Variants in ABCB1 observed in about 807,000 individuals in gnomAD.
ABCB1 encodes the protein ATP-dependent translocase ABCB1.
In ABCB1, 69 loss-of-function variants were observed where a neutral mutation model predicts 142.0. That is an observed-to-expected ratio of 0.49 (90% CI 0.40 to 0.59). The LOEUF (loss-of-function observed/expected upper bound fraction) is 0.59. Ranked by LOEUF, ABCB1 falls within the 20% of genes least tolerant of loss-of-function variation. The pLI is 0.00. For synonymous variants in ABCB1, 532 were observed against 539.2 expected, an observed-to-expected ratio of 0.99 and a Z score of 0.18; for missense variants, 1,326 against 1,554.7, an observed-to-expected ratio of 0.85 and a Z score of 2.47.
chr7:87,634,790 AGAACTTT>A (rs1821598213), intron 1 of ABCB1, among the ~76,000 whole-genome samples: 1 of 152,228 alleles, frequency 6.6e-6, no homozygotes, highest in Non-Finnish European at 1.5e-5. Flanking sequence ...TATATGTAGT[AGAACTTT>A]GAGTTTGAGT....
At position 87,505,798 on chromosome 7, in the gene ABCB1, T is replaced by C. The variant is rs1814707428; in HGVS notation, c.3636+99A>G. The C allele has an allele frequency of 2.1e-6, 3 of 1,411,766 alleles. No individual in the cohort carries two copies. In the East Asian group the frequency reaches 6.9e-5, roughly 32 times the overall value. 87.5% of individuals were successfully genotyped at this position (1,411,766 alleles called of 1,614,324 possible). ...TTTACTGAAAGGTGATGTAAGTAAC[T>C]GTCAATAATCTGGCTGCATTTTGTT... On this transcript the variant is annotated intron_variant, in intron 27 of 27. Transcript: ENST00000622132.
At chr7:87,684,101 TA>T (rs574907890) in intron 1 of ABCB1, among the ~76,000 whole-genome samples, 3 of 152,168 alleles carry the variant, frequency 2.0e-5, no homozygotes, top group African/African-American at 4.8e-5. Context: ...TAATTCATGT[TA>T]AAAAAAATCT....
rs772281490 is a variant in ABCB1, at chr7:87,553,875, G to GGCTGTAATA, written c.876_884dup (p.Ile293_Ala295dup). The stretch of plus-strand genomic sequence containing the variant: ...GGAAAGCAGCACCTATAGAAATATT[G>GGCTGTAATA]GCTGTAATAGCTTTCTTTATCCCAA... On this transcript the variant is annotated inframe_insertion, in exon 9 of 28. Coordinates refer to ENST00000622132, the MANE Select transcript of ABCB1 (RefSeq NM_001348946.2). 1 of 1,613,978 alleles carries GGCTGTAATA rather than the reference G, an allele frequency of 6.2e-7. No individual in the cohort carries two copies. Among genetic ancestry groups the GGCTGTAATA allele is most frequent in the Admixed American group, 1.7e-5 (1 of 60,016 alleles).
chr7:87,709,934 T>C (rs1829917495), intron 1 of ABCB1, among the ~76,000 whole-genome samples: 1 of 152,204 alleles, frequency 6.6e-6, no homozygotes, highest in African/African-American at 2.4e-5. Context: ...TCTGTTTCTG[T>C]GATTCTGTGC....
chr7:87,616,962 G>C (rs760835185), intron 1 of ABCB1, among the ~76,000 whole-genome samples: 2 of 152,162 alleles, frequency 1.3e-5, no homozygotes, highest in African/African-American at 2.4e-5. Context: ...ACAAATTATT[G>C]GTGAGGCCTA....
At chr7:87,639,550 T>G (rs1822219002) in intron 1 of ABCB1, among the ~76,000 whole-genome samples, 1 of 152,210 alleles carries the variant, frequency 6.6e-6, no homozygotes, top group African/African-American at 2.4e-5. Flanking sequence ...TGATTTTTAC[T>G]ATAAATATTT....
At chr7:87,610,429 TAGAGTCTGCCTGTG>T (rs2130050354) in intron 1 of ABCB1, among the ~76,000 whole-genome samples, 2 of 132,654 alleles carry the variant, frequency 1.5e-5, no homozygotes, top group East Asian at 4.5e-4. Flanking sequence ...TTTTCAGAGA[TAGAGTCTGCCTGTG>T]TAGCCCAGGC....
chr7:87,662,415 A>C (rs1002876338), intron 1 of ABCB1, among the ~76,000 whole-genome samples: 1 of 151,920 alleles, frequency 6.6e-6, no homozygotes, highest in African/African-American at 2.4e-5. Flanking sequence ...ATCCATTTTG[A>C]TTTGATTTTT....
In ABCB1 at chr7:87,520,779, T is replaced by TATGGTACCTGC. The variant is rs776061180; in HGVS notation, c.2772_2782dup (p.Tyr928CysfsTer9). 6.2e-7 allele frequency: 1 copy of TATGGTACCTGC among 1,613,084 alleles called. No homozygotes were observed. Among genetic ancestry groups the TATGGTACCTGC allele is most frequent in the Non-Finnish European group, 8.5e-7 (1 of 1,179,086 alleles). ...CCCACTCTTCAGCGGTTATTACCTG[T>TATGGTACCTGC]ATGGTACCTGCAAACTCTGAGCATA... On this transcript the variant is annotated frameshift_variant, in exon 22 of 28. Coordinates refer to ENST00000622132, the MANE Select transcript of ABCB1 (RefSeq NM_001348946.2). LOFTEE classifies it high-confidence loss of function.
At chr7:87,536,619 AGTTTT>A in intron 19 of ABCB1, 78 bp from the exon 20 acceptor site, 1 of 1,318,234 alleles carries the variant, frequency 7.6e-7, no homozygotes, top group Non-Finnish European at 1.1e-6. Flanking sequence ...CGATGGGGTC[AGTTTT>A]GTTTATACTT....
intron 15 of ABCB1, 91 bp downstream of exon 15, chr7:87,545,772 A>G (rs1301166490): frequency 7.3e-7 from 1 of 1,369,368 alleles, no homozygotes; most frequent in Admixed American, 1.8e-5. Context: ...TTTGTAAGGT[A>G]ATCAAATCAA....
At chr7:87,691,654 T>G (rs1285100483) in intron 1 of ABCB1, among the ~76,000 whole-genome samples, 5 of 152,218 alleles carry the variant, frequency 3.3e-5, no homozygotes, top group African/African-American at 1.2e-4. Context: ...GCACTTCTAC[T>G]TCCTAAGGAT....
chr7:87,631,536 G>A (rs1266657965), intron 1 of ABCB1, among the ~76,000 whole-genome samples: 11 of 152,022 alleles, frequency 7.2e-5, no homozygotes, highest in African/African-American at 2.7e-4. Flanking sequence ...GACTACAGGC[G>A]CCCGCCACCA....
chr7:87,582,816 AT>A (rs950286721), intron 4 of ABCB1, among the ~76,000 whole-genome samples: 2 of 152,064 alleles, frequency 1.3e-5, no homozygotes, highest in South Asian at 2.1e-4. Context: ...TCTTCTTTTG[AT>A]TTTTTTTCAA....
At chr7:87,684,902 C>A (rs1827308847) in intron 1 of ABCB1, among the ~76,000 whole-genome samples, 2 of 151,712 alleles carry the variant, frequency 1.3e-5, no homozygotes, top group Non-Finnish European at 2.9e-5. Flanking sequence ...TAATTGAATA[C>A]CTGTGTGCAA....
intron 21 of ABCB1, among the ~76,000 whole-genome samples, chr7:87,525,805 TG>T (rs1263557153): frequency 2.0e-5 from 3 of 152,090 alleles, no homozygotes; most frequent in African/African-American, 7.2e-5. Flanking sequence ...GCACACCTGG[TG>T]TGACTGACAT....
In ABCB1 at chr7:87,505,983, T is replaced by C. The variant is rs1281843123; in HGVS notation, c.3550A>G (p.Ile1184Val). Reference sequence around the variant, plus strand: ...CTAACAAGGGCACGAGCTATGGCAATGCGTTGTTTCTGGCCACCAGAGAGC... The same window carrying C: ...CTAACAAGGGCACGAGCTATGGCAACGCGTTGTTTCTGGCCACCAGAGAGC... ...TQLSGGQKQR[I>V]AIARALVRQP... Residue 1184 changes from isoleucine to valine, a missense_variant, in exon 27 of 28, where the codon ATT becomes GTT. Ile to Val is a conservative substitution (Grantham distance 29). Transcript: ENST00000622132. 2.5e-6 allele frequency: 4 copies of C among 1,614,012 alleles called. No homozygotes were observed. The highest frequency in any genetic ancestry group is 1.1e-5 in the South Asian group (1 of 91,088).
intron 5 of ABCB1, among the ~76,000 whole-genome samples, chr7:87,568,543 C>T (rs1426779196): frequency 6.6e-6 from 1 of 152,158 alleles, no homozygotes; most frequent in Non-Finnish European, 1.5e-5. Context: ...TTACCATCTT[C>T]AAATTAAACT....
intron 1 of ABCB1, among the ~76,000 whole-genome samples, chr7:87,614,871 A>G (rs1563075421): frequency 1.3e-5 from 2 of 151,480 alleles, no homozygotes; most frequent in East Asian, 3.9e-4. Context: ...CGGGGAACGG[A>G]GTCATGCTCT....
Sources: gnomAD v4.1 joint callset for allele counts (sites outside exome capture counted in the v4.1 genomes callset) on GRCh38, gnomAD v4.1.1 for gene constraint, MANE v1.5 for transcripts, NCBI Gene and HGNC (gene_info 2026-07-23, HGNC 2026-07-21) for gene names.